The following CDADC1 variants were observed in gnomAD, a reference collection of about 807,000 sequenced individuals.
The protein encoded by CDADC1 is cytidine and dCMP deaminase domain containing 1.
A neutral mutation model predicts 54.9 loss-of-function variants in CDADC1; 39 were observed. The observed-to-expected ratio is 0.71, with a 90% CI of 0.55 to 0.93. The LOEUF is 0.93. CDADC1 is among the 40% of genes least tolerant of loss of function. The pLI, the probability that CDADC1 is intolerant of heterozygous loss-of-function variation, is 0.00. For synonymous variants in CDADC1, 186 were observed against 204.0 expected (o/e 0.91, Z 0.75); for missense variants, 518 against 618.8 (o/e 0.84, Z 1.73).
intron 4 of CDADC1, among the ~76,000 whole-genome samples, chr13:49,260,531 C>A (rs1952655797): frequency 6.6e-6 from 1 of 152,174 alleles, no homozygotes; most frequent in Non-Finnish European, 1.5e-5. Flanking sequence ...AACTGTTGTT[C>A]CCACTGGGCA....
At chr13:49,288,649 G>A (rs371303457) in intron 9 of CDADC1, among the ~76,000 whole-genome samples, 3 of 152,124 alleles carry the variant, frequency 2.0e-5, no homozygotes, top group Non-Finnish European at 4.4e-5. Flanking sequence ...TTAGACTGGG[G>A]CTTGACTTTT....
chr13:49,270,539 G>A (rs1047932749), intron 5 of CDADC1, among the ~76,000 whole-genome samples: 1 of 152,004 alleles, frequency 6.6e-6, no homozygotes, highest in South Asian at 2.1e-4. Context: ...AAGGTAATAT[G>A]GTACATATAC....
chr13:49,268,264 C>T (rs942111942), intron 5 of CDADC1, among the ~76,000 whole-genome samples: 1 of 151,932 alleles, frequency 6.6e-6, no homozygotes, highest in Non-Finnish European at 1.5e-5. Flanking sequence ...ATATTCAGTA[C>T]CACATTTCTA....
rs988420297 is a variant in CDADC1 at position 49,292,662 on chromosome 13, G to C, written c.*905G>C. The C allele has an allele frequency of 8.3e-7, 1 of 1,210,082 alleles. No individual in the cohort carries two copies. The highest frequency in any genetic ancestry group is 1.0e-6 in the Non-Finnish European group (1 of 953,472). The allele number at this position is 1,210,082 out of a possible 1,614,324, so 75.0% of individuals were successfully genotyped here. A position where few individuals can be genotyped will look rare whatever the true frequency, so the allele number is the denominator to read the frequency against. ...AGAATAAATACTGAAAGTCTTGAAA[G>C]TATGGTCATTTCAGCTATTCCAGAT... On this transcript the variant is annotated 3_prime_UTR_variant, in exon 10 of 10. Coordinates refer to ENST00000251108, the MANE Select transcript of CDADC1 (RefSeq NM_030911.4).
At chr13:49,266,297 A>G (rs1952813711) in intron 4 of CDADC1, among the ~76,000 whole-genome samples, 1 of 152,182 alleles carries the variant, frequency 6.6e-6, no homozygotes, top group East Asian at 1.9e-4. Flanking sequence ...TCATCGTTCA[A>G]TTTCAAATAC....
At chr13:49,284,342 T>C (rs1484850839) in intron 8 of CDADC1, among the ~76,000 whole-genome samples, 1 of 152,260 alleles carries the variant, frequency 6.6e-6, no homozygotes, top group East Asian at 1.9e-4. Context: ...CATGTTGCTG[T>C]ATTTTCTGCC....
chr13:49,248,158 C>G, intron 1 of CDADC1, 39 bp downstream of exon 1: 3 of 1,495,126 alleles, frequency 2.0e-6, no homozygotes, highest in Non-Finnish European at 2.7e-6. Flanking sequence ...CCCTACCTTT[C>G]GCTCTGCCCT....
rs1454197864 is a variant in CDADC1, at chr13:49,278,437, C to A, written c.1138C>A (p.His380Asn). 2 of 1,604,696 alleles carry A rather than the reference C, an allele frequency of 1.2e-6. No individual in the cohort carries two copies. The highest frequency in any genetic ancestry group is 2.7e-5 in the African/African-American group (2 of 74,772). The change falls in exon 7 of 10, where the codon CAC becomes AAC. Residue 380 changes from histidine (H) to asparagine (N), a missense_variant. Physicochemically the swap from His to Asn is moderately conservative, Grantham distance 68. Coordinates refer to ENST00000251108, the MANE Select transcript of CDADC1 (RefSeq NM_030911.4). Reference sequence around the variant, plus strand: ...TGGATCTGAGTATGCTGACTTCCCACACATGGATGACAAGCAGAAAGACAG... The same window carrying A: ...TGGATCTGAGTATGCTGACTTCCCAAACATGGATGACAAGCAGAAAGACAG... ...PVGSEYADFP[H>N]MDDKQKDREI... is the part of the protein sequence containing the mutation.
In CDADC1 at chr13:49,267,604, C is replaced by G. The variant is rs777296813; in HGVS notation, c.545C>G (p.Ser182Ter). The G allele has an allele frequency of 1.9e-6, 3 of 1,614,090 alleles. No individual in the cohort carries two copies. The highest frequency in any genetic ancestry group is 3.3e-5 in the Admixed American group (2 of 60,010). ...LDAKAVERLKSNSRAHVCVLL... is the reference protein window; with the variant it reads ...LDAKAVERLK ...GCCAAAGCAGTGGAAAGATTGAAGT[C>G]AAACAGTCGGGCCCATGTGTGTGTC... Residue 182 changes from serine (S) to a stop codon, truncating the protein, a stop_gained, in exon 5 of 10, where the codon TCA (serine) becomes TGA (stop). Coordinates refer to ENST00000251108, the MANE Select transcript of CDADC1 (RefSeq NM_030911.4). LOFTEE classifies it high-confidence loss of function.
rs1952856366 is a variant in CDADC1 at position 49,267,826 on chromosome 13, T to C, written c.767T>C (p.Met256Thr). The C allele has an allele frequency of 6.2e-7, 1 of 1,613,552 alleles. No individual in the cohort carries two copies. Among genetic ancestry groups the C allele is most frequent in the Non-Finnish European group, 8.5e-7 (1 of 1,179,640 alleles). ...GAAGAAATGCATAAGCAAATACTGA[T>C]GACTATAGGTTTGGAGAACCTGTGT... ...SNEEMHKQILMTIGLENLCEN... is the reference protein window; with the variant it reads ...SNEEMHKQILTTIGLENLCEN... Residue 256 changes from methionine to threonine, a missense_variant, in exon 5 of 10, where the codon ATG (methionine) becomes ACG (threonine). Transcript: ENST00000251108.
intron 7 of CDADC1, 103 bp downstream of exon 7, chr13:49,278,622 A>G (rs754875497): frequency 2.1e-5 from 20 of 944,502 alleles, no homozygotes; most frequent in Non-Finnish European, 2.9e-5. Flanking sequence ...AAATTCCAAG[A>G]AAGTTTCCTT....
chr13:49,278,375 T>G lies in CDADC1; in HGVS notation c.1076T>G (p.Met359Arg). ...AGAAGTTGTGATGGAACAGGTGCCA[T>G]GTACTTTGTAGGATGTGGTTACAAT... ...KSRSCDGTGAMYFVGCGYNAF... is the reference protein window; with the variant it reads ...KSRSCDGTGARYFVGCGYNAF... Residue 359 changes from methionine to arginine, a missense_variant, in exon 7 of 10, where the codon ATG becomes AGG. Transcript: ENST00000251108. The G allele has an allele frequency of 6.3e-7, 1 of 1,581,732 alleles. No homozygotes were observed. The highest frequency in any genetic ancestry group is 8.6e-7 in the Non-Finnish European group (1 of 1,156,138).
chr13:49,251,185 A>T lies in CDADC1; in HGVS notation c.177+2220A>T, dbSNP rs542442971. 7.4e-3 allele frequency among the ~76,000 whole-genome samples: 1,128 copies of T among 152,168 alleles called. 25 individuals carry two copies. Among genetic ancestry groups the T allele is most frequent in the Non-Finnish European group, 5.9e-3 (400 of 68,000 alleles). ...AGCACTTTGGGAGGCCGAGGCAGGCAGATCACAAGGTCAAGAGATCGAGAC... is the reference window on the plus strand; with the variant it reads ...AGCACTTTGGGAGGCCGAGGCAGGCTGATCACAAGGTCAAGAGATCGAGAC... On this transcript the variant is annotated intron_variant, in intron 2 of 9. Coordinates refer to ENST00000251108, the MANE Select transcript of CDADC1 (RefSeq NM_030911.4).
intron 8 of CDADC1, among the ~76,000 whole-genome samples, chr13:49,285,718 C>T (rs1338648692): frequency 6.6e-6 from 1 of 152,076 alleles, no homozygotes; most frequent in East Asian, 1.9e-4. Context: ...AGTATTGATT[C>T]GGATCCCAGA....
intron 3 of CDADC1, 129 bp from the exon 4 acceptor site, chr13:49,259,217 C>A: frequency 1.4e-6 from 1 of 694,934 alleles, no homozygotes; most frequent in South Asian, 3.4e-5. Flanking sequence ...GAGAAATGTG[C>A]TTTGTACAAA....
intron 4 of CDADC1, 47 bp downstream of exon 4, chr13:49,259,570 G>C (rs754107104): frequency 6.4e-7 from 1 of 1,571,894 alleles, no homozygotes; most frequent in Non-Finnish European, 8.7e-7. Context: ...ATTTATCTGG[G>C]ATGGGCGTGG....
intron 6 of CDADC1, among the ~76,000 whole-genome samples, chr13:49,276,899 CA>C (rs1265934264): frequency 6.6e-6 from 1 of 152,178 alleles, no homozygotes; most frequent in Non-Finnish European, 1.5e-5. Context: ...GAATGCTCAG[CA>C]GACTTTTGGC....
At chr13:49,253,074 T>C (rs1952470567) in intron 2 of CDADC1, among the ~76,000 whole-genome samples, 1 of 152,228 alleles carries the variant, frequency 6.6e-6, no homozygotes, top group African/African-American at 2.4e-5. Flanking sequence ...ATAAGATTGT[T>C]TCACTTAAAT....
intron 8 of CDADC1, 87 bp from the exon 9 acceptor site, chr13:49,286,135 A>G: frequency 9.1e-7 from 1 of 1,096,322 alleles, no homozygotes; most frequent in South Asian, 1.3e-5. Context: ...ATTTTTAAGA[A>G]GTTGTTTTGA....
Sources: allele counts gnomAD v4.1 joint callset (sites outside exome capture counted in the v4.1 genomes callset), GRCh38; gene constraint gnomAD v4.1.1; transcripts MANE v1.5; gene names NCBI Gene and HGNC (gene_info 2026-07-23, HGNC 2026-07-21).